ANKS1B: variants seen among roughly 807,000 people sequenced by gnomAD.
ANKS1B encodes ankyrin repeat and sterile alpha motif domain containing 1B.
ANKS1B carries 36 observed loss-of-function variants against 148.3 expected under a neutral mutation model. That is an observed-to-expected ratio of 0.24 (90% CI 0.19 to 0.32). ANKS1B has a LOEUF of 0.32. Ranked by LOEUF, ANKS1B falls within the 10% of genes least tolerant of loss-of-function variation. ANKS1B has a pLI of 1.00. For missense variants in ANKS1B, 1,157 were observed against 1,542.6 expected, an observed-to-expected ratio of 0.75 and a Z score of 4.19; for synonymous variants, 542 against 560.8, an observed-to-expected ratio of 0.97 and a Z score of 0.47.
chr12:99,917,639 C>CT (rs2094212429), intron 1 of ANKS1B, among the ~76,000 whole-genome samples: 3 of 152,166 alleles, frequency 2.0e-5, no homozygotes, highest in Non-Finnish European at 2.9e-5. Flanking sequence ...ATGCTTTTGC[C>CT]TTTTTTGCCT....
chr12:99,788,665 G>T (rs1348701385), intron 4 of ANKS1B, among the ~76,000 whole-genome samples: 1 of 152,136 alleles, frequency 6.6e-6, no homozygotes, highest in Non-Finnish European at 1.5e-5. Context: ...GGCACACGGG[G>T]TCTCTGCGTT....
chr12:99,644,371 C>T (rs2098339225), intron 9 of ANKS1B, among the ~76,000 whole-genome samples: 1 of 152,140 alleles, frequency 6.6e-6, no homozygotes, highest in South Asian at 2.1e-4. Context: ...TACCATTTCC[C>T]CCGCTTTCTT....
chr12:99,098,071 T>C (rs192930096), intron 15 of ANKS1B, among the ~76,000 whole-genome samples: 211 of 152,330 alleles, frequency 1.4e-3, no homozygotes, highest in African/African-American at 4.8e-3. Flanking sequence ...GAGAGTTAAC[T>C]GCAGGCCAGA....
At chr12:99,753,439 C>T (rs1022812139) in intron 8 of ANKS1B, among the ~76,000 whole-genome samples, 7 of 152,120 alleles carry the variant, frequency 4.6e-5, no homozygotes, top group African/African-American at 1.7e-4. Context: ...CATTCTTGAA[C>T]TCCAAGAAGA....
chr12:99,892,763 T>A (rs2093179122), intron 1 of ANKS1B, among the ~76,000 whole-genome samples: 1 of 152,050 alleles, frequency 6.6e-6, no homozygotes, highest in South Asian at 2.1e-4. Context: ...TTCTGCAGAG[T>A]CAAAGAGAGG....
intron 12 of ANKS1B, among the ~76,000 whole-genome samples, chr12:99,387,874 T>TTTTTTTTTTTTTTTTTTTTTTTTTTTG (rs1310198385): frequency 3.3e-5 from 5 of 151,756 alleles, no homozygotes; most frequent in African/African-American, 2.4e-5. Context: ...AATTGTAATT[T>TTTTTTTTTTTTTTTTTTTTTTTTTTTG]ACCAAGTAGA....
At chr12:99,267,561 A>ACATTCATTCATTCATTCACT (rs1555363239) in intron 12 of ANKS1B, among the ~76,000 whole-genome samples, 3 of 151,504 alleles carry the variant, frequency 2.0e-5, no homozygotes, top group African/African-American at 7.3e-5. Flanking sequence ...ATTTGGCTGT[A>ACATTCATTCATTCATTCACT]CATTCATTCA....
chr12:98,854,685 C>T (rs1446152322), intron 17 of ANKS1B, among the ~76,000 whole-genome samples: 1 of 152,166 alleles, frequency 6.6e-6, no homozygotes, highest in Non-Finnish European at 1.5e-5. Flanking sequence ...GTGCCAGGAA[C>T]GTATTTCTAA....
intron 17 of ANKS1B, among the ~76,000 whole-genome samples, chr12:98,855,321 G>GC (rs1256646924): frequency 6.6e-6 from 1 of 152,208 alleles, no homozygotes; most frequent in Admixed American, 6.5e-5. Context: ...GTTGAAGGAG[G>GC]CAGTGGCCAT....
At chr12:98,961,080 A>C (rs2099870603) in intron 17 of ANKS1B, among the ~76,000 whole-genome samples, 1 of 152,214 alleles carries the variant, frequency 6.6e-6, no homozygotes, top group Non-Finnish European at 1.5e-5. Flanking sequence ...AAAGAGAAAT[A>C]GGTGCAGGAA....
chr12:99,109,190 T>TC (rs1463632857), intron 15 of ANKS1B, among the ~76,000 whole-genome samples: 1 of 83,694 alleles, frequency 1.2e-5, no homozygotes, highest in Non-Finnish European at 2.5e-5. Context: ...CATCAGCACT[T>TC]GCTAGCTTCT....
At chr12:99,605,464 C>A (rs1009744001) in intron 9 of ANKS1B, among the ~76,000 whole-genome samples, 2 of 151,792 alleles carry the variant, frequency 1.3e-5, no homozygotes, top group African/African-American at 2.4e-5. Context: ...ACCCACTGAC[C>A]AACCTCTCCT....
chr12:99,259,947 A>G (rs1381222354), intron 12 of ANKS1B, among the ~76,000 whole-genome samples: 1 of 152,222 alleles, frequency 6.6e-6, no homozygotes, highest in Non-Finnish European at 1.5e-5. Flanking sequence ...AATGGCGTCT[A>G]GTGAATAACT....
At chr12:99,664,762 T>C (rs2098497542) in intron 8 of ANKS1B, among the ~76,000 whole-genome samples, 2 of 152,198 alleles carry the variant, frequency 1.3e-5, no homozygotes, top group African/African-American at 4.8e-5. Context: ...TATAGTAGCA[T>C]ATACACTTTA....
In ANKS1B at chr12:99,429,966, AAAAAATAAAAAAT is replaced by A. The variant is rs560224079; in HGVS notation, c.1575+13694_1575+13706del. On this transcript the variant is annotated intron_variant, in intron 11 of 26. Coordinates refer to ENST00000683438, the MANE Select transcript of ANKS1B (RefSeq NM_001352186.2). ...GCGACAGAGCAAGACTCCGTCTCAA[AAAAAATAAAAAAT>A]AAAAATAAAAAATAACACACCAGTG... is the stretch of plus-strand genomic sequence containing the variant. Among the ~76,000 whole-genome samples the A allele has an allele frequency of 6.9e-4, 105 of 152,198 alleles. 1 individual carries two copies. The highest frequency in any genetic ancestry group is 1.6e-3 in the Admixed American group (25 of 15,290).
At chr12:99,091,605 T>A (rs1398743427) in intron 15 of ANKS1B, among the ~76,000 whole-genome samples, 3 of 152,202 alleles carry the variant, frequency 2.0e-5, no homozygotes, top group East Asian at 3.8e-4. Context: ...TGAACAAAAC[T>A]TTTTTGTATG....
intron 17 of ANKS1B, among the ~76,000 whole-genome samples, chr12:98,887,785 A>C (rs1300617785): frequency 6.6e-6 from 1 of 152,102 alleles, no homozygotes; most frequent in Admixed American, 6.5e-5. Flanking sequence ...TTTTTAAAAA[A>C]TATTTTTAGT....
Position 98,745,157 on chromosome 12 carries a change from A to G in ANKS1B, c.*582T>C, listed in dbSNP as rs2097852763. On this transcript the variant is annotated 3_prime_UTR_variant, in exon 27 of 27. Coordinates refer to ENST00000683438, the MANE Select transcript of ANKS1B (RefSeq NM_001352186.2). ...AGGTTTTCTTTCTCTGACATAGGTGATTACATATAAAATCCACAAATATAG... is the reference window on the plus strand; with the variant it reads ...AGGTTTTCTTTCTCTGACATAGGTGGTTACATATAAAATCCACAAATATAG... 2.0e-6 allele frequency: 2 copies of G among 985,648 alleles called. 1 individual carries two copies. The highest frequency in any genetic ancestry group is 9.4e-5 in the South Asian group (2 of 21,288). 61.1% of individuals were successfully genotyped at this position (985,648 alleles called of 1,614,324 possible).
intron 11 of ANKS1B, among the ~76,000 whole-genome samples, chr12:99,412,523 T>A (rs2094746652): frequency 6.6e-6 from 1 of 152,234 alleles, no homozygotes; most frequent in Admixed American, 6.5e-5. Flanking sequence ...TCCAGTGACA[T>A]CTTCCCCTCT....
Sources: allele counts gnomAD v4.1 joint callset (sites outside exome capture counted in the v4.1 genomes callset), GRCh38; gene constraint gnomAD v4.1.1; transcripts MANE v1.5; gene names NCBI Gene and HGNC (gene_info 2026-07-23, HGNC 2026-07-21).